Variants in NELL1 observed in about 807,000 individuals in gnomAD.
NELL1 encodes neural EGFL like 1.
Under a neutral mutation model 107.4 loss-of-function variants are expected in NELL1, and 76 were observed. The ratio of observed to expected loss-of-function variants is 0.71; its 90% CI spans 0.59 to 0.86. The LOEUF is 0.86. Among genes scored for constraint, NELL1 ranks in the 40% least tolerant of loss-of-function variants. The probability of loss-of-function intolerance (pLI) is 0.00; values close to 1 mark genes in which losing one functional copy is unlikely to be tolerated. For synonymous variants in NELL1, 353 were observed against 341.2 expected (o/e 1.03, Z -0.38); for missense variants, 1,024 against 1,005.5 (o/e 1.02, Z -0.25).
chr11:20,672,520 C>T (rs529552561), intron 1 of NELL1, among the ~76,000 whole-genome samples: 1 of 152,272 alleles, frequency 6.6e-6, no homozygotes. Flanking sequence ...GTTCAGAGAA[C>T]TTGTTTTAGA....
intron 12 of NELL1, among the ~76,000 whole-genome samples, chr11:21,039,889 G>A (rs546136935): frequency 6.6e-6 from 1 of 152,168 alleles, no homozygotes; most frequent in South Asian, 2.1e-4. Context: ...GTGTTACAAA[G>A]CCCTCTTTTG....
At chr11:20,728,581 TA>T (rs2133918698) in intron 2 of NELL1, among the ~76,000 whole-genome samples, 1 of 148,406 alleles carries the variant, frequency 6.7e-6, no homozygotes, top group South Asian at 2.1e-4. Context: ...CTTCATTGCT[TA>T]TTTTTTTTTT....
intron 15 of NELL1, among the ~76,000 whole-genome samples, chr11:21,453,544 AT>A (rs1389258207): frequency 3.3e-5 from 5 of 152,076 alleles, no homozygotes; most frequent in African/African-American, 4.8e-5. Flanking sequence ...CTTAAATGGC[AT>A]GTAATTAGGT....
intron 12 of NELL1, among the ~76,000 whole-genome samples, chr11:21,026,049 G>T (rs1489185940): frequency 6.6e-6 from 1 of 152,192 alleles, no homozygotes; most frequent in Admixed American, 6.5e-5. Context: ...TCATCATCTT[G>T]TTTAAGCCCC....
At chr11:20,757,024 T>G (rs1407358511) in intron 2 of NELL1, among the ~76,000 whole-genome samples, 1 of 152,154 alleles carries the variant, frequency 6.6e-6, no homozygotes, top group South Asian at 2.1e-4. Flanking sequence ...GTGATAGAGA[T>G]AGATGTTGGG....
intron 13 of NELL1, among the ~76,000 whole-genome samples, chr11:21,134,339 A>C (rs7934243): frequency 0.72 from 109,959 of 151,950 alleles, 40,059 homozygotes; most frequent in African/African-American, 0.78. Context: ...TGGGACTATA[A>C]GGATAGGAGA....
chr11:21,021,803 G>T (rs752647453), intron 12 of NELL1, among the ~76,000 whole-genome samples: 2 of 151,836 alleles, frequency 1.3e-5, no homozygotes, highest in Admixed American at 6.6e-5. Context: ...TTCATGTTTG[G>T]GCTGACCCTC....
At chr11:21,217,389 C>T (rs955444383) in intron 13 of NELL1, among the ~76,000 whole-genome samples, 5 of 152,056 alleles carry the variant, frequency 3.3e-5, no homozygotes, top group Non-Finnish European at 7.4e-5. Context: ...GTGAAAGGTA[C>T]ATTGGGGGAA....
At chr11:21,168,430 A>G (rs1405675206) in intron 13 of NELL1, among the ~76,000 whole-genome samples, 1 of 151,744 alleles carries the variant, frequency 6.6e-6, no homozygotes, top group African/African-American at 2.4e-5. Flanking sequence ...CAAGTTGTTG[A>G]AGTCAGCTAT....
chr11:21,189,939 T>C (rs1180438539), intron 13 of NELL1, among the ~76,000 whole-genome samples: 3 of 151,880 alleles, frequency 2.0e-5, no homozygotes, highest in Admixed American at 1.3e-4. Context: ...TTTCTGTGGA[T>C]TGTGGAAAGA....
chr11:21,326,153 T>A (rs2133677131), intron 14 of NELL1, among the ~76,000 whole-genome samples: 1 of 87,118 alleles, frequency 1.1e-5, no homozygotes, highest in Admixed American at 1.5e-4. Context: ...TCTACCATTT[T>A]GCTATTTTTT....
At chr11:21,148,948 A>G (rs1277222785) in intron 13 of NELL1, among the ~76,000 whole-genome samples, 1 of 152,084 alleles carries the variant, frequency 6.6e-6, no homozygotes, top group African/African-American at 2.4e-5. Flanking sequence ...TTGTTTATCT[A>G]TTGGGTTTTG....
At chr11:21,536,100 T>C (rs559276416) in intron 16 of NELL1, among the ~76,000 whole-genome samples, 6 of 152,268 alleles carry the variant, frequency 3.9e-5, no homozygotes, top group Admixed American at 2.0e-4. Flanking sequence ...AAGCCAATTT[T>C]ATTTATTATT....
At chr11:21,380,607 T>G (rs138427663) in intron 15 of NELL1, among the ~76,000 whole-genome samples, 1 of 152,042 alleles carries the variant, frequency 6.6e-6, no homozygotes, top group East Asian at 1.9e-4. Context: ...TTCCCTTGGA[T>G]GAAAAATGGG....
intron 2 of NELL1, among the ~76,000 whole-genome samples, chr11:20,709,329 G>T (rs1176611276): frequency 6.6e-6 from 1 of 152,048 alleles, no homozygotes; most frequent in Non-Finnish European, 1.5e-5. Context: ...TGTTTGCTTT[G>T]TTGAAGATTA....
intron 2 of NELL1, among the ~76,000 whole-genome samples, chr11:20,736,453 G>A (rs929825394): frequency 1.4e-4 from 20 of 147,128 alleles, no homozygotes; most frequent in African/African-American, 4.6e-4. Context: ...TTAGCCCAGC[G>A]TCAAAGCTGG....
intron 12 of NELL1, among the ~76,000 whole-genome samples, chr11:20,966,715 G>T (rs1851393660): frequency 6.6e-6 from 1 of 151,944 alleles, no homozygotes; most frequent in African/African-American, 2.4e-5. Context: ...GCTGAGCCTT[G>T]TTCCTGGGCC....
intron 12 of NELL1, among the ~76,000 whole-genome samples, chr11:20,995,592 G>T (rs76000828): frequency 0.2 from 30,941 of 151,626 alleles, 3,608 homozygotes; most frequent in African/African-American, 0.31. Context: ...AAAAATCAGC[G>T]TCTATAAATT....
chr11:21,263,038 A>T (rs1398107790), intron 14 of NELL1, among the ~76,000 whole-genome samples: 1 of 151,770 alleles, frequency 6.6e-6, no homozygotes, highest in Admixed American at 6.6e-5. Flanking sequence ...TTTATGTTTC[A>T]AGACTGCTTT....
Sources: allele counts gnomAD v4.1 joint callset (sites outside exome capture counted in the v4.1 genomes callset), GRCh38; gene constraint gnomAD v4.1.1; transcripts MANE v1.5; gene names NCBI Gene and HGNC (gene_info 2026-07-23, HGNC 2026-07-21).